The following FILIP1 variants were observed in gnomAD, a reference collection of about 807,000 sequenced individuals.
The protein encoded by FILIP1 is filamin-A-interacting protein 1.
A neutral mutation model predicts 102.1 loss-of-function variants in FILIP1; 61 were observed. The ratio of observed to expected loss-of-function variants is 0.60; its 90% CI spans 0.49 to 0.74. The LOEUF (loss-of-function observed/expected upper bound fraction) is 0.74. FILIP1 is among the 30% of genes least tolerant of loss of function. FILIP1 has a pLI of 0.00. For missense variants in FILIP1, 1,314 were observed against 1,441.2 expected (o/e 0.91, Z 1.43); for synonymous variants, 491 against 526.9 (o/e 0.93, Z 0.93).
At chr6:75,385,734 G>T (rs1240152298) in intron 2 of FILIP1, 1 of 151,874 alleles carries the variant, frequency 6.6e-6, no homozygotes, top group Non-Finnish European at 1.5e-5. Context: ...ACTTAATTTT[G>T]TTATAAGCTG....
chr6:75,420,466 C>A (rs559870721), intron 1 of FILIP1, among the ~76,000 whole-genome samples: 1 of 152,172 alleles, frequency 6.6e-6, no homozygotes, highest in East Asian at 1.9e-4. Flanking sequence ...ACATTGATGA[C>A]TCTTCTATCA....
chr6:75,393,926 C>T (rs1776367993), intron 2 of FILIP1, among the ~76,000 whole-genome samples: 1 of 152,198 alleles, frequency 6.6e-6, no homozygotes, highest in Admixed American at 6.5e-5. Context: ...TTAGCTGCAG[C>T]TCTTGGTTCT....
At chr6:75,470,648 A>G (rs536439664) in intron 1 of FILIP1, among the ~76,000 whole-genome samples, 33 of 152,332 alleles carry the variant, frequency 2.2e-4, no homozygotes, top group African/African-American at 7.7e-4. Flanking sequence ...ATCAATGGGA[A>G]AATAATGGTA....
intron 1 of FILIP1, among the ~76,000 whole-genome samples, chr6:75,478,417 C>T (rs1779551061): frequency 6.6e-6 from 1 of 152,180 alleles, no homozygotes; most frequent in Non-Finnish European, 1.5e-5. Context: ...TCACTGGACA[C>T]CTCATAGGAC....
intron 2 of FILIP1, among the ~76,000 whole-genome samples, chr6:75,372,573 T>A (rs1364671997): frequency 2.1e-5 from 3 of 140,908 alleles, no homozygotes; most frequent in Admixed American, 7.6e-5. Context: ...AATGAGATAC[T>A]ACTTTACACC....
chr6:75,426,096 G>T (rs1229292532), intron 1 of FILIP1, among the ~76,000 whole-genome samples: 1 of 151,810 alleles, frequency 6.6e-6, no homozygotes, highest in Non-Finnish European at 1.5e-5. Context: ...GGTGTGGCTG[G>T]AGTTGACTCT....
intron 1 of FILIP1, among the ~76,000 whole-genome samples, chr6:75,472,311 C>G (rs1779355306): frequency 6.6e-6 from 1 of 151,996 alleles, no homozygotes; most frequent in South Asian, 2.1e-4. Flanking sequence ...TATAAGTGCT[C>G]TTTAATTTCT....
intron 1 of FILIP1, among the ~76,000 whole-genome samples, chr6:75,475,991 A>C (rs1270533620): frequency 2.0e-5 from 3 of 152,168 alleles, no homozygotes; most frequent in Non-Finnish European, 2.9e-5. Context: ...CTATAATCCC[A>C]GCACTTTGGA....
chr6:75,309,077 C>T (rs1438957765), intron 5 of FILIP1, among the ~76,000 whole-genome samples, 180 bp from the exon 6 acceptor site: 2 of 152,064 alleles, frequency 1.3e-5, no homozygotes, highest in African/African-American at 4.8e-5. Flanking sequence ...GATTATCTCC[C>T]CTTCCCTTCA....
chr6:75,441,619 C>T (rs1305708541), intron 1 of FILIP1, among the ~76,000 whole-genome samples: 7 of 147,726 alleles, frequency 4.7e-5, no homozygotes, highest in African/African-American at 1.8e-4. Flanking sequence ...GCTGACCCCC[C>T]CGACCTCCCT....
intron 1 of FILIP1, among the ~76,000 whole-genome samples, chr6:75,463,450 A>C (rs570988739): frequency 1.7e-3 from 252 of 152,340 alleles, no homozygotes; most frequent in Non-Finnish European, 3.0e-3. Context: ...AACATAGCAA[A>C]ATATCTTTTC....
At chr6:75,440,971 C>A in intron 1 of FILIP1, among the ~76,000 whole-genome samples, 2 of 149,802 alleles carry the variant, frequency 1.3e-5, no homozygotes, top group Admixed American at 6.7e-5. Flanking sequence ...AAGGTATGAC[C>A]GAAGAGTAAA....
At chr6:75,322,440 T>C (rs1254853866) in intron 4 of FILIP1, among the ~76,000 whole-genome samples, 1 of 152,086 alleles carries the variant, frequency 6.6e-6, no homozygotes, top group African/African-American at 2.4e-5. Context: ...TATATTAGCA[T>C]GAAAAGGAAA....
chr6:75,371,223 T>A (rs113827873), intron 2 of FILIP1, among the ~76,000 whole-genome samples: 1,695 of 152,302 alleles, frequency 0.011, 36 homozygotes, highest in African/African-American at 0.039. Flanking sequence ...AAAATGTGAC[T>A]TTTTCTCTCT....
At chr6:75,401,092 T>G (rs540586676) in intron 2 of FILIP1, among the ~76,000 whole-genome samples, 1 of 152,196 alleles carries the variant, frequency 6.6e-6, no homozygotes, top group South Asian at 2.1e-4. Flanking sequence ...CTGCCATCTA[T>G]CCACAAACTT....
intron 2 of FILIP1, among the ~76,000 whole-genome samples, chr6:75,405,981 T>C (rs1776832454): frequency 6.6e-6 from 1 of 152,178 alleles, no homozygotes; most frequent in African/African-American, 2.4e-5. Context: ...ATCTAACAAC[T>C]TCTCAACCCA....
At position 75,308,403 on chromosome 6, in the gene FILIP1, A is replaced by G. The variant is rs1773055859; in HGVS notation, c.*288T>C. The G allele has an allele frequency of 8.8e-7, 1 of 1,142,158 alleles. No homozygotes were observed. Among genetic ancestry groups the G allele is most frequent in the Non-Finnish European group, 1.1e-6 (1 of 905,908 alleles). 70.8% of individuals were successfully genotyped at this position (1,142,158 alleles called of 1,614,324 possible). A position where few individuals can be genotyped will look rare whatever the true frequency, so the allele number is the denominator to read the frequency against. On this transcript the variant is annotated 3_prime_UTR_variant, in exon 6 of 6. Coordinates refer to ENST00000237172, the MANE Select transcript of FILIP1 (RefSeq NM_015687.5). ...GAGTCCCCACATCTAACTGATGAGG[A>G]AACAGGCTCAGATGGGTCTATTGAT...
At chr6:75,315,255 A>C in intron 4 of FILIP1, 53 bp from the exon 5 acceptor site, 3 of 1,198,962 alleles carry the variant, frequency 2.5e-6, no homozygotes, top group Non-Finnish European at 3.4e-6. Context: ...AAACAGATTT[A>C]AGCATTGATA....
At chr6:75,303,165 C>T (rs899065884), downstream of FILIP1, among the ~76,000 whole-genome samples, 4 of 151,652 alleles carry the variant, frequency 2.6e-5, no homozygotes, top group African/African-American at 9.8e-5. Flanking sequence ...TTAGATATCC[C>T]TGTTGAGATG....
Sources: allele counts gnomAD v4.1 joint callset (sites outside exome capture counted in the v4.1 genomes callset), GRCh38; gene constraint gnomAD v4.1.1; transcripts MANE v1.5; gene names NCBI Gene and HGNC (gene_info 2026-07-23, HGNC 2026-07-21).